Variants in KIAA0586 observed in about 807,000 individuals in gnomAD.
The protein encoded by KIAA0586 is KIAA0586, also known as protein TALPID3.
KIAA0586 carries 144 observed loss-of-function variants against 169.8 expected under a neutral mutation model. That is an observed-to-expected ratio of 0.85 (90% confidence interval 0.74 to 0.97). The LOEUF is 0.97. Among genes scored for constraint, KIAA0586 ranks in the 50% least tolerant of loss-of-function variants. KIAA0586 has a pLI of 0.00. For missense variants in KIAA0586, 1,854 were observed against 1,823.0 expected, an observed-to-expected ratio of 1.02 and a Z score of -0.31; for synonymous variants, 625 against 612.4, an observed-to-expected ratio of 1.02 and a Z score of -0.30.
chr14:58,475,008 T>C (rs916506900), intron 19 of KIAA0586, among the ~76,000 whole-genome samples: 1 of 152,378 alleles, frequency 6.6e-6, no homozygotes, highest in South Asian at 2.1e-4. Flanking sequence ...TCAATCTGTC[T>C]ACTCTGGCAC....
chr14:58,427,702 A>C, upstream of KIAA0586: 2 of 1,535,034 alleles, frequency 1.3e-6, no homozygotes, highest in Non-Finnish European at 1.7e-6. Flanking sequence ...GTGGGTGTTG[A>C]CCTGCGGGCA....
In KIAA0586 at chr14:58,487,049, C is replaced by G; in HGVS notation, c.3187C>G (p.Pro1063Ala). ...TPLPTPQPTP[P>A]CSPSSPAKEC... ...ACTGCCTACCCCACAGCCTACGCCT[C>G]CTTGCTCACCTTCATCACCTGCTAA... The change falls in exon 22 of 31, where the codon CCT (proline) becomes GCT (alanine). Residue 1063 changes from proline (P) to alanine (A), a missense_variant. Coordinates refer to ENST00000652326, the MANE Select transcript of KIAA0586 (RefSeq NM_001329943.3). 6.2e-7 allele frequency: 1 copy of G among 1,613,492 alleles called. No homozygotes were observed. The highest frequency in any genetic ancestry group is 8.5e-7 in the Non-Finnish European group (1 of 1,179,472).
intron 29 of KIAA0586, chr14:58,520,953 G>A (rs1300674728): frequency 5.0e-6 from 1 of 200,906 alleles, no homozygotes; most frequent in Non-Finnish European, 1.0e-5. Context: ...TTTACATAAA[G>A]TACCATAGAA....
Position 58,453,467 on chromosome 14 carries a change from C to CA in KIAA0586, c.1250dup (p.Asn417LysfsTer7). The CA allele has an allele frequency of 6.6e-7, 1 of 1,506,154 alleles. No homozygotes were observed. The highest frequency in any genetic ancestry group is 8.8e-7 in the Non-Finnish European group (1 of 1,131,780). 93.3% of individuals were successfully genotyped at this position (1,506,154 alleles called of 1,614,324 possible). A position where few individuals can be genotyped will look rare whatever the true frequency, so the allele number is the denominator to read the frequency against. On this transcript the variant is annotated frameshift_variant, in exon 9 of 31. Coordinates refer to ENST00000652326, the MANE Select transcript of KIAA0586 (RefSeq NM_001329943.3). LOFTEE classifies it high-confidence loss of function. ...AAAATAGGATGGACTCCTGAGAAAA[C>CA]AAACAGGTAAAAACAAGAGATTGGA... is the stretch of plus-strand genomic sequence containing the variant.
In KIAA0586 at chr14:58,475,088, T is replaced by C. The variant is rs371069391; in HGVS notation, c.2825+291T>C. 6.6e-5 allele frequency among the ~76,000 whole-genome samples: 10 copies of C among 152,312 alleles called. 1 individual carries two copies. The highest frequency in any genetic ancestry group is 7.4e-5 in the Non-Finnish European group (5 of 68,020). ...CCAGTGATTCATTTCCAGAAACTTA[T>C]CCTAAAGAAGTAATTATGGTTTGCT... On this transcript the variant is annotated intron_variant, in intron 19 of 30. Coordinates refer to ENST00000652326, the MANE Select transcript of KIAA0586 (RefSeq NM_001329943.3).
chr14:58,450,983 C>CTT (rs10712126), intron 8 of KIAA0586, among the ~76,000 whole-genome samples: 14 of 85,366 alleles, frequency 1.6e-4, no homozygotes, highest in Non-Finnish European at 2.1e-4. Flanking sequence ...GTTTTGTTAA[C>CTT]TTTTTTTTTT....
At chr14:58,481,889 C>T (rs577907757) in intron 20 of KIAA0586, among the ~76,000 whole-genome samples, 77 of 151,780 alleles carry the variant, frequency 5.1e-4, no homozygotes, top group Middle Eastern at 6.8e-3. Context: ...TCTCAGCTCA[C>T]TGCAAGCTCC....
chr14:58,452,481 C>G (rs148523182), intron 8 of KIAA0586, among the ~76,000 whole-genome samples: 227 of 152,096 alleles, frequency 1.5e-3, no homozygotes, highest in African/African-American at 5.1e-3. Context: ...AACCTCACAC[C>G]AAAAATTATT....
At chr14:58,545,564 C>CCTA (rs1486167740) in intron 30 of KIAA0586, among the ~76,000 whole-genome samples, 1 of 152,018 alleles carries the variant, frequency 6.6e-6, no homozygotes, top group African/African-American at 2.4e-5. Context: ...ATTAATTTGC[C>CCTA]CTAGGACTTA....
chr14:58,512,793 G>A (rs939023538), intron 29 of KIAA0586, among the ~76,000 whole-genome samples, 166 bp downstream of exon 29: 3 of 151,886 alleles, frequency 2.0e-5, no homozygotes, highest in African/African-American at 7.2e-5. Flanking sequence ...TATTGTATTT[G>A]ACTATGTTAG....
intron 29 of KIAA0586, among the ~76,000 whole-genome samples, chr14:58,525,430 C>T (rs916449908): frequency 1.3e-5 from 2 of 151,862 alleles, no homozygotes; most frequent in African/African-American, 4.8e-5. Context: ...CAGGGTGGGG[C>T]GTTGCCTCAC....
intron 14 of KIAA0586, among the ~76,000 whole-genome samples, chr14:58,463,136 TCTC>T (rs1221454572): frequency 4.6e-5 from 7 of 152,126 alleles, no homozygotes; most frequent in Non-Finnish European, 8.8e-5. Context: ...TGGTTCTCTC[TCTC>T]AATTCTTCCG....
At position 58,479,464 on chromosome 14, in the gene KIAA0586, T is replaced by G. The variant is rs1464918575; in HGVS notation, c.2944+2223T>G. 5.3e-5 allele frequency among the ~76,000 whole-genome samples: 8 copies of G among 152,330 alleles called. No individual in the cohort carries two copies. The South Asian group carries it at 1.4e-3, about 28-fold the overall frequency. On this transcript the variant is annotated intron_variant, in intron 20 of 30. Transcript: ENST00000652326. ...TTTGTAAATATTTTCTTCTACTTTG[T>G]GTTTTGCCTTTTTGTTTTCTCAGCA...
chr14:58,521,419 C>G, intron 29 of KIAA0586: 1 of 804,734 alleles, frequency 1.2e-6, no homozygotes, highest in Non-Finnish European at 2.2e-6. Flanking sequence ...GCCCGGGCCG[C>G]TGTAGGTGGA....
intron 29 of KIAA0586, among the ~76,000 whole-genome samples, chr14:58,532,575 TAA>T (rs35301805): frequency 0.044 from 6,694 of 152,210 alleles, 438 homozygotes; most frequent in African/African-American, 0.15. Context: ...ATTATTATTA[TAA>T]GAGCAAAATA....
chr14:58,541,751 C>T (rs932059740), intron 30 of KIAA0586, among the ~76,000 whole-genome samples: 3 of 152,044 alleles, frequency 2.0e-5, no homozygotes, highest in African/African-American at 4.8e-5. Flanking sequence ...ATGTCAAAAA[C>T]GTGTATTAAA....
intron 30 of KIAA0586, among the ~76,000 whole-genome samples, chr14:58,540,897 A>G (rs1042130528): frequency 5.9e-5 from 9 of 152,220 alleles, no homozygotes; most frequent in African/African-American, 2.2e-4. Flanking sequence ...CACTGGGGCT[A>G]TGATGTTGCA....
chr14:58,476,668 CTTTT>C (rs10666323), intron 19 of KIAA0586, among the ~76,000 whole-genome samples: 1 of 131,638 alleles, frequency 7.6e-6, no homozygotes, highest in Admixed American at 7.8e-5. Flanking sequence ...TTCAGAGGTA[CTTTT>C]TTTTTTTTTT....
chr14:58,440,391 G>A (rs2038222266), intron 4 of KIAA0586, among the ~76,000 whole-genome samples: 1 of 151,950 alleles, frequency 6.6e-6, no homozygotes, highest in Non-Finnish European at 1.5e-5. Context: ...GAATGCAATG[G>A]TGTGATCTCT....
Sources: gnomAD v4.1 joint callset for allele counts (sites outside exome capture counted in the v4.1 genomes callset) on GRCh38, gnomAD v4.1.1 for gene constraint, MANE v1.5 for transcripts, NCBI Gene and HGNC (gene_info 2026-07-23, HGNC 2026-07-21) for gene names.